PKIB: variants seen among roughly 807,000 people sequenced by gnomAD.
The protein encoded by PKIB is cAMP-dependent protein kinase inhibitor beta, also known as PKI-beta.
PKIB carries 2 observed loss-of-function variants against 4.5 expected under a neutral mutation model. The observed-to-expected ratio is 0.44, with a 90% confidence interval of 0.18 to 1.39. PKIB has a LOEUF of 1.39. Among genes scored for constraint, PKIB ranks in the 40% most tolerant of loss-of-function variants. The pLI, the probability that PKIB is intolerant of heterozygous loss-of-function variation, is 0.27. For synonymous variants in PKIB, 38 were observed against 36.0 expected, an observed-to-expected ratio of 1.06 and a Z score of -0.20; for missense variants, 94 against 92.6, an observed-to-expected ratio of 1.02 and a Z score of -0.06.
At chr6:122,683,429 A>G (rs1177832971) in intron 3 of PKIB, among the ~76,000 whole-genome samples, 2 of 152,124 alleles carry the variant, frequency 1.3e-5, no homozygotes, top group African/African-American at 4.8e-5. Context: ...ACTATTAGGA[A>G]GAGAGTACCA....
intron 1 of PKIB, among the ~76,000 whole-genome samples, chr6:122,627,299 T>C (rs1384479380): frequency 6.6e-6 from 1 of 152,092 alleles, no homozygotes; most frequent in African/African-American, 2.4e-5. Context: ...CTGTGGGTTT[T>C]AGTCCTAGCA....
chr6:122,703,924 A>G lies in PKIB; in HGVS notation c.-8-13863A>G, dbSNP rs908442580. ...AAAAACGCTATATATATATGTGTGT[A>G]TATATATATATATATATAGAGAGAG... On this transcript the variant is annotated intron_variant, in intron 3 of 4. Transcript: ENST00000368452. Among the ~76,000 whole-genome samples, 293 of 99,870 alleles carry G rather than the reference A, an allele frequency of 2.9e-3. 1 individual carries two copies. The highest frequency in any genetic ancestry group is 8.4e-3 in the Admixed American group (83 of 9,928). The allele number at this position is 99,870 out of a possible 152,430, so 65.5% of individuals were successfully genotyped here.
intron 2 of PKIB, among the ~76,000 whole-genome samples, chr6:122,543,240 A>T (rs1038341111): frequency 6.6e-6 from 1 of 151,720 alleles, no homozygotes; most frequent in Non-Finnish European, 1.5e-5. Context: ...CTCCCTAGTG[A>T]GATGAACCCA....
At chr6:122,507,820 G>GT (rs990936486) in intron 2 of PKIB, among the ~76,000 whole-genome samples, 105 of 151,266 alleles carry the variant, frequency 6.9e-4, no homozygotes, top group African/African-American at 2.3e-3. Context: ...TTGTTTTTGA[G>GT]TTTTTTTTAC....
intron 1 of PKIB, among the ~76,000 whole-genome samples, chr6:122,475,389 C>G (rs186656853): frequency 2.0e-5 from 3 of 152,308 alleles, no homozygotes; most frequent in Admixed American, 2.0e-4. Context: ...GGTGCAGTGA[C>G]TCACATCTTA....
At chr6:122,580,509 AG>A (rs1477262222) in intron 2 of PKIB, among the ~76,000 whole-genome samples, 2 of 152,136 alleles carry the variant, frequency 1.3e-5, no homozygotes, top group African/African-American at 4.8e-5. Flanking sequence ...TCTTCTGTAA[AG>A]ATTAACTGGC....
At chr6:122,537,364 T>A (rs907368953) in intron 2 of PKIB, among the ~76,000 whole-genome samples, 1 of 152,008 alleles carries the variant, frequency 6.6e-6, no homozygotes, top group African/African-American at 2.4e-5. Context: ...CCCCTTCCTG[T>A]GTCCATGTGT....
intron 3 of PKIB, among the ~76,000 whole-genome samples, chr6:122,699,284 A>AAAAAAAAT (rs1554233479): frequency 2.6e-5 from 4 of 151,660 alleles, no homozygotes; most frequent in East Asian, 1.9e-4. Context: ...TGTGAACTAA[A>AAAAAAAAT]ATATATATAT....
At chr6:122,478,868 C>T (rs1344467678) in intron 2 of PKIB, 2 of 152,176 alleles carry the variant, frequency 1.3e-5, no homozygotes, top group Non-Finnish European at 2.9e-5. Flanking sequence ...AAACCCAGGG[C>T]CCTGGTGGCG....
intron 2 of PKIB, among the ~76,000 whole-genome samples, chr6:122,519,465 G>A (rs936384195): frequency 6.6e-5 from 10 of 152,002 alleles, no homozygotes; most frequent in South Asian, 2.1e-4. Flanking sequence ...CCCCACCTCC[G>A]TCTGTGGAAA....
At chr6:122,697,790 TTC>T (rs1486090056) in intron 3 of PKIB, among the ~76,000 whole-genome samples, 1 of 152,210 alleles carries the variant, frequency 6.6e-6, no homozygotes, top group Admixed American at 6.5e-5. Context: ...CCATTGTGTA[TTC>T]TGAGACATAA....
chr6:122,688,862 G>C (rs1242396438), intron 3 of PKIB, among the ~76,000 whole-genome samples: 2 of 150,358 alleles, frequency 1.3e-5, no homozygotes, highest in African/African-American at 4.9e-5. Context: ...CTCACTGCAA[G>C]CTCCGCCTCC....
At chr6:122,665,123 T>C (rs1406560423) in intron 2 of PKIB, among the ~76,000 whole-genome samples, 2 of 152,216 alleles carry the variant, frequency 1.3e-5, no homozygotes, top group African/African-American at 4.8e-5. Context: ...TTGACTCATA[T>C]ACCTGGGTTA....
chr6:122,580,037 TA>T (rs1208853166), intron 2 of PKIB, among the ~76,000 whole-genome samples: 1 of 152,156 alleles, frequency 6.6e-6, no homozygotes, highest in Non-Finnish European at 1.5e-5. Flanking sequence ...ATTTTTAAAG[TA>T]AAAAATTATG....
At chr6:122,720,192 AT>A (rs1254599441) in intron 4 of PKIB, among the ~76,000 whole-genome samples, 1 of 152,124 alleles carries the variant, frequency 6.6e-6, no homozygotes, top group Non-Finnish European at 1.5e-5. Flanking sequence ...TTTATTTTTA[AT>A]TTTTTTAATA....
rs1776156622 is a variant in PKIB at position 122,499,259 on chromosome 6, CA to C, written c.-248+21325del. 2.0e-5 allele frequency among the ~76,000 whole-genome samples: 3 copies of C among 152,112 alleles called. No individual in the cohort carries two copies. In the South Asian group the frequency reaches 6.2e-4, roughly 32 times the overall value. On this transcript the variant is annotated intron_variant, in intron 2 of 6. Transcript: ENST00000392491. Reference sequence around the variant, plus strand: ...TATTGAAATCTGTCAAAGAAACAACCAAAAACAAACTTCATGTCAATATCCC... The same window carrying C: ...TATTGAAATCTGTCAAAGAAACAACCAAAACAAACTTCATGTCAATATCCC...
upstream of PKIB, among the ~76,000 whole-genome samples, chr6:122,606,370 C>T (rs1774534528): frequency 6.6e-6 from 1 of 151,934 alleles, no homozygotes; most frequent in Non-Finnish European, 1.5e-5. Context: ...GTCAGGAGTC[C>T]AAGACGAGCC....
intron 2 of PKIB, among the ~76,000 whole-genome samples, chr6:122,509,579 C>T (rs537912533): frequency 3.5e-3 from 530 of 152,002 alleles, no homozygotes; most frequent in Non-Finnish European, 4.9e-3. Context: ...CACAGATGCC[C>T]ACCACCACAC....
At chr6:122,566,452 T>C (rs1446297755) in intron 2 of PKIB, among the ~76,000 whole-genome samples, 1 of 152,198 alleles carries the variant, frequency 6.6e-6, no homozygotes, top group Non-Finnish European at 1.5e-5. Context: ...AAAACTCATA[T>C]GTAGATAACA....
Sources: gnomAD v4.1 joint callset for allele counts (sites outside exome capture counted in the v4.1 genomes callset) on GRCh38, gnomAD v4.1.1 for gene constraint, MANE v1.5 for transcripts, NCBI Gene and HGNC (gene_info 2026-07-23, HGNC 2026-07-21) for gene names.